Variants in SRPX2 observed in about 807,000 individuals in gnomAD.
The protein encoded by SRPX2 is sushi repeat containing protein X-linked 2, also known as sushi repeat-containing protein SRPX2.
Under a neutral mutation model 45.3 loss-of-function variants are expected in SRPX2, and 26 were observed. That is an observed-to-expected ratio of 0.57 (90% confidence interval 0.42 to 0.80). The LOEUF is 0.80. Ranked by LOEUF, SRPX2 falls within the 30% of genes least tolerant of loss-of-function variation. The pLI, the probability that SRPX2 is intolerant of heterozygous loss-of-function variation, is 0.00. For synonymous variants in SRPX2, 125 were observed against 143.7 expected (o/e 0.87, Z 0.93); for missense variants, 355 against 399.8 (o/e 0.89, Z 0.95).
chrX:100,671,155 T>A lies in SRPX2; in HGVS notation c.*168T>A. The A allele has an allele frequency of 5.3e-6, 3 of 565,016 alleles. No homozygotes were observed. The highest frequency in any genetic ancestry group is 8.7e-6 in the Non-Finnish European group (3 of 343,979). The allele number at this position is 565,016 out of a possible 1,213,427, so 46.6% of individuals were successfully genotyped here. A position where few individuals can be genotyped will look rare whatever the true frequency, so the allele number is the denominator to read the frequency against. ...TTCCAGGCATCCTTTTAGGACTGTG[T>A]AATAGTTTCCCTAGAAGCTAGGTAG... On this transcript the variant is annotated 3_prime_UTR_variant, in exon 11 of 11. Transcript: ENST00000373004.
intron 2 of SRPX2, 78 bp downstream of exon 2, chrX:100,646,482 A>G: frequency 1.1e-6 from 1 of 936,630 alleles, no homozygotes; most frequent in Middle Eastern, 2.7e-4. Flanking sequence ...GAAGAGTTAG[A>G]CTACAAAAAG....
At chrX:100,669,489 G>A (rs2083216209) in intron 10 of SRPX2, 120 bp downstream of exon 10, 9 of 678,742 alleles carry the variant, frequency 1.3e-5, no homozygotes, top group South Asian at 8.0e-5. Context: ...ACTCTCTTGC[G>A]GCACTTCTTG....
intron 3 of SRPX2, among the ~76,000 whole-genome samples, chrX:100,652,900 A>G (rs1259294579): frequency 9.0e-6 from 1 of 111,008 alleles, no homozygotes; most frequent in Non-Finnish European, 1.9e-5. Context: ...TTTCTCGCCC[A>G]CTCACAAATC....
At chrX:100,646,057 ATCC>A in intron 1 of SRPX2, 133 bp from the exon 2 acceptor site, 6 of 359,220 alleles carry the variant, frequency 1.7e-5, no homozygotes, top group African/African-American at 2.6e-5. Flanking sequence ...GTTGTTTTAC[ATCC>A]TCCTCCTCCT....
At chrX:100,650,477 C>T (rs1438308179) in intron 2 of SRPX2, among the ~76,000 whole-genome samples, 1 of 111,806 alleles carries the variant, frequency 8.9e-6, no homozygotes, top group Non-Finnish European at 1.9e-5. Flanking sequence ...CATTTATAGT[C>T]CAGATTGACA....
rs1335982261 is a variant in SRPX2 at position 100,665,290 on chromosome X, G to T, written c.580G>T (p.Ala194Ser). 8.3e-7 allele frequency: 1 copy of T among 1,210,281 alleles called. No homozygotes were observed. Among genetic ancestry groups the T allele is most frequent in the Non-Finnish European group, 1.1e-6 (1 of 894,773 alleles). Residue 194 changes from alanine to serine, a missense_variant, in exon 6 of 11, where the codon GCA (alanine) becomes TCA (serine). Coordinates refer to ENST00000373004, the MANE Select transcript of SRPX2 (RefSeq NM_014467.3). ...IRCPHSREKM[A>S]EPEKLTARVY... is the part of the protein sequence containing the mutation. ...CTGTCCCCACTCACGTGAGAAGATG[G>T]CAGAGCCAGAGAAATTGACTGCTCG...
At position 100,675,137 on chromosome X, in the gene SRPX2, A is replaced by ATC. The variant is rs1421199086; in HGVS notation, c.*4153_*4154dup. On this transcript the variant is annotated 3_prime_UTR_variant, in exon 11 of 11. Coordinates refer to ENST00000373004, the MANE Select transcript of SRPX2 (RefSeq NM_014467.3). ...AGATGTGGTACATGAGGATGAATAT[A>ATC]TCTCATCTTTCATTCGAGAAATGAG... 7.1e-5 allele frequency: 8 copies of ATC among 112,172 alleles called. No homozygotes were observed. Among genetic ancestry groups the ATC allele is most frequent in the African/African-American group, 2.6e-4 (8 of 30,724 alleles). The allele number at this position is 112,172 out of a possible 1,213,427, so 9.2% of individuals were successfully genotyped here.
intron 7 of SRPX2, 141 bp downstream of exon 7, chrX:100,665,798 C>T: frequency 1.1e-6 from 1 of 943,838 alleles, no homozygotes; most frequent in Non-Finnish European, 1.5e-6. Context: ...ACCAAACAGG[C>T]TTATTTAGGA....
chrX:100,657,349 C>CTTTTTTTTTGTTTTTTTTTTT (rs2083173015), intron 3 of SRPX2, among the ~76,000 whole-genome samples: 1 of 28,417 alleles, frequency 3.5e-5, no homozygotes, highest in African/African-American at 1.0e-4. Flanking sequence ...TTATTTATGT[C>CTTTTTTTTTGTTTTTTTTTTT]TTTTTTTTTT....
Position 100,670,946 on chromosome X carries a change from G to A in SRPX2, c.1357G>A (p.Glu453Lys), listed in dbSNP as rs1471513268. Reference sequence around the variant, plus strand: ...TGATGACTACCTACTGAGCAATCAGGAGTTGACCCAGCGTCGGGAGCAAAG... The same window carrying A: ...TGATGACTACCTACTGAGCAATCAGAAGTTGACCCAGCGTCGGGAGCAAAG... ...FIDDYLLSNQ[E>K]LTQRREQRDI... The change falls in exon 11 of 11, where the codon GAG becomes AAG. Residue 453 changes from glutamate (E) to lysine (K), a missense_variant. Physicochemically the swap from Glu to Lys is moderately conservative, Grantham distance 56. Coordinates refer to ENST00000373004, the MANE Select transcript of SRPX2 (RefSeq NM_014467.3). 2.5e-6 allele frequency: 3 copies of A among 1,211,928 alleles called. No individual in the cohort carries two copies. The highest frequency in any genetic ancestry group is 2.2e-6 in the Non-Finnish European group (2 of 895,582).
Position 100,673,750 on chromosome X carries a change from A to G in SRPX2, c.*2763A>G, listed in dbSNP as rs1377954119. ...TTGACCCTTCACCCATAACACACAT[A>G]CCATTCTCACAGGAGGCCACATGGT... On this transcript the variant is annotated 3_prime_UTR_variant, in exon 11 of 11. Coordinates refer to ENST00000373004, the MANE Select transcript of SRPX2 (RefSeq NM_014467.3). 1 of 111,549 alleles carries G rather than the reference A, an allele frequency of 9.0e-6. No individual in the cohort carries two copies. Among genetic ancestry groups the G allele is most frequent in the East Asian group, 2.8e-4 (1 of 3,552 alleles). 9.2% of individuals were successfully genotyped at this position (111,549 alleles called of 1,213,427 possible).
chrX:100,670,157 G>T (rs1223339900), intron 10 of SRPX2, among the ~76,000 whole-genome samples: 1 of 111,826 alleles, frequency 8.9e-6, no homozygotes, highest in African/African-American at 3.3e-5. Flanking sequence ...GGTGATGGAA[G>T]AAGTGGGTCT....
intron 3 of SRPX2, 127 bp downstream of exon 3, chrX:100,650,992 T>C (rs2083151305): frequency 5.7e-6 from 3 of 527,569 alleles, no homozygotes; most frequent in South Asian, 5.7e-5. Context: ...AATCAGGGGC[T>C]GTGATTTCTC....
At chrX:100,664,701 T>C in intron 4 of SRPX2, 73 bp from the exon 5 acceptor site, 1 of 1,031,606 alleles carries the variant, frequency 9.7e-7, no homozygotes, top group Non-Finnish European at 1.3e-6. Flanking sequence ...TGTTTCTCCC[T>C]GTGCTAGATG....
intron 4 of SRPX2, among the ~76,000 whole-genome samples, chrX:100,663,017 TACTC>T (rs1194226931): frequency 1.8e-5 from 2 of 112,067 alleles, no homozygotes; most frequent in East Asian, 5.6e-4. Context: ...CTTCCTGTGT[TACTC>T]AATTCTTCAA....
In SRPX2 at chrX:100,644,362, G is replaced by A. The variant is rs757103271; in HGVS notation, c.-284G>A. On this transcript the variant is annotated 5_prime_UTR_variant, in exon 1 of 11. Transcript: ENST00000373004. Reference sequence around the variant, plus strand: ...GCAGATGTGGACGTCGTAACATCTGGGCAGTGTTAACAGAATCCCGGAGGC... The same window carrying A: ...GCAGATGTGGACGTCGTAACATCTGAGCAGTGTTAACAGAATCCCGGAGGC... The A allele has an allele frequency of 8.9e-6, 1 of 112,157 alleles. No homozygotes were observed. Among genetic ancestry groups the A allele is most frequent in the East Asian group, 2.8e-4 (1 of 3,575 alleles). 9.2% of individuals were successfully genotyped at this position (112,157 alleles called of 1,213,427 possible).
intron 9 of SRPX2, 63 bp downstream of exon 9, chrX:100,667,470 C>T (rs758668431): frequency 8.5e-6 from 10 of 1,182,471 alleles, no homozygotes; most frequent in Non-Finnish European, 1.0e-5. Context: ...TTTTCCAAAT[C>T]AGAGTTGTTC....
intron 10 of SRPX2, 88 bp from the exon 11 acceptor site, chrX:100,670,719 T>C: frequency 9.9e-7 from 1 of 1,005,713 alleles, no homozygotes; most frequent in East Asian, 3.1e-5. Flanking sequence ...AGTCCATGAG[T>C]GGAGCTGCAA....
intron 3 of SRPX2, among the ~76,000 whole-genome samples, chrX:100,657,938 A>G (rs1405306667): frequency 1.8e-5 from 2 of 112,597 alleles, no homozygotes; most frequent in African/African-American, 3.2e-5. Context: ...CCTTTGCCCA[A>G]TATTTTAATG....
Sources: gnomAD v4.1 joint callset for allele counts (sites outside exome capture counted in the v4.1 genomes callset) on GRCh38, gnomAD v4.1.1 for gene constraint, MANE v1.5 for transcripts, NCBI Gene and HGNC (gene_info 2026-07-23, HGNC 2026-07-21) for gene names.